The following PRDM5 variants were observed in gnomAD, a reference collection of about 807,000 sequenced individuals.
PRDM5 encodes the protein PR/SET domain 5, also known as PR domain zinc finger protein 5.
Under a neutral mutation model 81.2 loss-of-function variants are expected in PRDM5, and 56 were observed. That is an observed-to-expected ratio of 0.69 (90% CI 0.56 to 0.86). The LOEUF (loss-of-function observed/expected upper bound fraction) is 0.86, where lower values mean the gene tolerates loss of function less well. Among genes scored for constraint, PRDM5 ranks in the 40% least tolerant of loss-of-function variants. PRDM5 has a pLI of 0.00. For missense variants in PRDM5, 697 were observed against 770.1 expected (o/e 0.91, Z 1.12); for synonymous variants, 267 against 256.4 (o/e 1.04, Z -0.39).
chr4:120,759,344 T>A (rs927659490), intron 13 of PRDM5, among the ~76,000 whole-genome samples: 3 of 152,202 alleles, frequency 2.0e-5, no homozygotes, highest in Admixed American at 6.5e-5. Flanking sequence ...CAAATCAGCT[T>A]AGACTCTACA....
chr4:120,863,702 C>T (rs909672637), intron 2 of PRDM5, among the ~76,000 whole-genome samples: 1 of 152,092 alleles, frequency 6.6e-6, no homozygotes, highest in Admixed American at 6.5e-5. Context: ...ATCTAGCGAT[C>T]AAATAAGGAA....
At chr4:120,875,876 G>A (rs989179689) in intron 2 of PRDM5, among the ~76,000 whole-genome samples, 5 of 152,192 alleles carry the variant, frequency 3.3e-5, no homozygotes, top group East Asian at 3.9e-4. Context: ...TTCAAGCCAC[G>A]TTGCTTCTAA....
In PRDM5 at chr4:120,785,074, T is replaced by A; in HGVS notation, c.1206A>T (p.Arg402Ser). The A allele has an allele frequency of 6.2e-7, 1 of 1,611,324 alleles. No homozygotes were observed. The highest frequency in any genetic ancestry group is 2.2e-5 in the East Asian group (1 of 44,836). Residue 402 changes from arginine (R) to serine (S), a missense_variant, in exon 11 of 16, where the codon AGA (arginine) becomes AGT (serine). Physicochemically the swap from Arg to Ser is moderately radical, Grantham distance 110 (BLOSUM62 -1). Coordinates refer to ENST00000264808, the MANE Select transcript of PRDM5 (RefSeq NM_018699.4). ...CTTTACATTCTTCACATTGGAACGGTCTCTCCTCAGAGTGGGTCTGCAGAG... is the reference window on the plus strand; with the variant it reads ...CTTTACATTCTTCACATTGGAACGGACTCTCCTCAGAGTGGGTCTGCAGAG... The part of the protein sequence containing the change: ...KNHKKTHSEE[R>S]PFQCEECKAL...
At chr4:120,706,312 C>A (rs1377977336) in intron 15 of PRDM5, among the ~76,000 whole-genome samples, 1 of 152,012 alleles carries the variant, frequency 6.6e-6, no homozygotes, top group Non-Finnish European at 1.5e-5. Context: ...TATATGCAAA[C>A]CATGGATCTC....
intron 14 of PRDM5, among the ~76,000 whole-genome samples, chr4:120,750,605 G>A (rs1031189457): frequency 1.3e-5 from 2 of 151,934 alleles, no homozygotes; most frequent in Non-Finnish European, 2.9e-5. Context: ...TCACATTAAC[G>A]GCCTAGCAGA....
intron 14 of PRDM5, among the ~76,000 whole-genome samples, chr4:120,748,052 A>C (rs1743405591): frequency 6.6e-6 from 1 of 152,254 alleles, no homozygotes; most frequent in African/African-American, 2.4e-5. Context: ...TAACTCAATG[A>C]GTGACTGTTT....
Position 120,695,213 on chromosome 4 carries a change from G to A in PRDM5, c.1791C>T (p.Pro597=), listed in dbSNP as rs754600058. The change falls in exon 16 of 16, where the codon CCC becomes CCT. Residue 597 remains proline (P), a synonymous_variant. Transcript: ENST00000264808. Reference sequence around the variant, plus strand: ...ACTGGCATTCTGCCAGGGGACGATTGGGATTATGAGTCATCTTGTGTCGAA... The same window carrying A: ...ACTGGCATTCTGCCAGGGGACGATTAGGATTATGAGTCATCTTGTGTCGAA... ...MLIRHKMTHN[P]NRPLAECQFC... The A allele has an allele frequency of 6.2e-7, 1 of 1,613,590 alleles. No individual in the cohort carries two copies. The highest frequency in any genetic ancestry group is 1.3e-5 in the African/African-American group (1 of 75,012).
intron 10 of PRDM5, among the ~76,000 whole-genome samples, chr4:120,786,909 C>T (rs970969051): frequency 6.6e-6 from 1 of 152,162 alleles, no homozygotes; most frequent in Non-Finnish European, 1.5e-5. Context: ...TTATTTTATG[C>T]CAGGTCTACG....
At chr4:120,918,635 ATT>A (rs534148936) in intron 1 of PRDM5, among the ~76,000 whole-genome samples, 7 of 110,714 alleles carry the variant, frequency 6.3e-5, no homozygotes, top group African/African-American at 1.0e-4. Flanking sequence ...TACGTCAGGT[ATT>A]TTTTTTTTTT....
chr4:120,721,100 G>A (rs1738532911), intron 14 of PRDM5, among the ~76,000 whole-genome samples: 1 of 152,270 alleles, frequency 6.6e-6, no homozygotes, highest in Middle Eastern at 3.4e-3. Flanking sequence ...TTGCATAGAG[G>A]TGTTAAAAGA....
At chr4:120,771,590 TATTA>T (rs1747308023) in intron 13 of PRDM5, among the ~76,000 whole-genome samples, 1 of 152,266 alleles carries the variant, frequency 6.6e-6, no homozygotes, top group African/African-American at 2.4e-5. Context: ...AACACCATGA[TATTA>T]ATTCCTTATC....
intron 2 of PRDM5, among the ~76,000 whole-genome samples, chr4:120,875,550 C>G (rs888622505): frequency 6.6e-6 from 1 of 152,168 alleles, no homozygotes; most frequent in African/African-American, 2.4e-5. Context: ...AGGACCAGGT[C>G]AAGTCAGAAT....
At chr4:120,839,267 T>C (rs1356417994) in intron 3 of PRDM5, 1 of 702,968 alleles carries the variant, frequency 1.4e-6, no homozygotes, top group Non-Finnish European at 2.6e-6. Context: ...GGGTCCCAAA[T>C]TCTTGTCCTG....
rs764056836 is a variant in PRDM5, at chr4:120,780,061, CAGATA to C, written c.1443+1077_1443+1081del. ...CCTTTTGAAACAGTTGTATTAAGGA[CAGATA>C]AGATAGATAGATACTGAAACAGGAG... On this transcript the variant is annotated intron_variant, in intron 12 of 15. Transcript: ENST00000264808. Among the ~76,000 whole-genome samples, 16 of 151,234 alleles carry C rather than the reference CAGATA, an allele frequency of 1.1e-4. No homozygotes were observed. In the South Asian group the frequency reaches 1.7e-3, roughly 16 times the overall value.
At chr4:120,826,417 G>C (rs184764865) in intron 3 of PRDM5, among the ~76,000 whole-genome samples, 20 of 152,170 alleles carry the variant, frequency 1.3e-4, no homozygotes, top group Admixed American at 2.0e-4. Context: ...TATATCAACT[G>C]TCTTAACTTC....
chr4:120,746,660 G>A (rs1578571293), intron 14 of PRDM5, among the ~76,000 whole-genome samples: 1 of 147,334 alleles, frequency 6.8e-6, no homozygotes, highest in African/African-American at 2.5e-5. Context: ...AGACATTTAT[G>A]CAGCCAAAAA....
Position 120,692,144 on chromosome 4 carries a change from A to AT in PRDM5, c.*2966dup, listed in dbSNP as rs1734091796. ...ACATTTAGATTTGTGAAGGAAAAAA[A>AT]TGAATATTTCTAGTACTTATCCTCT... On this transcript the variant is annotated 3_prime_UTR_variant, in exon 16 of 16. Coordinates refer to ENST00000264808, the MANE Select transcript of PRDM5 (RefSeq NM_018699.4). 1 of 152,118 alleles carries AT rather than the reference A, an allele frequency of 6.6e-6. No homozygotes were observed. Among genetic ancestry groups the AT allele is most frequent in the Non-Finnish European group, 1.5e-5 (1 of 67,998 alleles). The allele number at this position is 152,118 out of a possible 1,614,324, so 9.4% of individuals were successfully genotyped here. A position where few individuals can be genotyped will look rare whatever the true frequency, so the allele number is the denominator to read the frequency against.
chr4:120,864,402 A>G (rs561603993), intron 2 of PRDM5, among the ~76,000 whole-genome samples: 7 of 152,250 alleles, frequency 4.6e-5, no homozygotes, highest in Non-Finnish European at 1.0e-4. Flanking sequence ...AGATGTTTTT[A>G]ATCCAAGGCA....
intron 14 of PRDM5, among the ~76,000 whole-genome samples, chr4:120,750,456 A>T (rs1170638397): frequency 2.0e-5 from 3 of 152,126 alleles, no homozygotes; most frequent in Non-Finnish European, 4.4e-5. Context: ...GTGAGGAAGG[A>T]TCCTTAAGAA....
Sources: allele counts gnomAD v4.1 joint callset (sites outside exome capture counted in the v4.1 genomes callset), GRCh38; gene constraint gnomAD v4.1.1; transcripts MANE v1.5; gene names NCBI Gene and HGNC (gene_info 2026-07-23, HGNC 2026-07-21).